The following RANBP2 variants were observed in gnomAD, a reference collection of about 807,000 sequenced individuals.
RANBP2 encodes RAN binding protein 2, also known as E3 SUMO-protein ligase RanBP2.
A neutral mutation model predicts 303.6 loss-of-function variants in RANBP2; 57 were observed. The observed-to-expected ratio is 0.19, with a 90% CI of 0.15 to 0.23. The LOEUF is 0.23. Ranked by LOEUF, RANBP2 falls within the 10% of genes least tolerant of loss-of-function variation. The probability of loss-of-function intolerance (pLI) is 1.00; values close to 1 mark genes in which losing one functional copy is unlikely to be tolerated. For missense variants in RANBP2, 3,138 were observed against 3,780.8 expected, an observed-to-expected ratio of 0.83 and a Z score of 4.46; for synonymous variants, 1,167 against 1,301.5, an observed-to-expected ratio of 0.90 and a Z score of 2.23.
chr2:109,567,601 A>G, the RANBP2 span, among the ~76,000 whole-genome samples: 8 of 152,244 alleles, frequency 5.3e-5, no homozygotes, highest in Admixed American at 5.2e-4. Context: ...GTGAAAGCAG[A>G]GTGAAAGAAA....
At chr2:108,818,148 A>G in the RANBP2 span, among the ~76,000 whole-genome samples, 3 of 152,266 alleles carry the variant, frequency 2.0e-5, no homozygotes, top group African/African-American at 7.2e-5. Context: ...TCTACAAAAA[A>G]TACAAAAGTT....
At chr2:109,217,086 A>G in the RANBP2 span, among the ~76,000 whole-genome samples, 1 of 152,210 alleles carries the variant, frequency 6.6e-6, no homozygotes, top group Non-Finnish European at 1.5e-5. Context: ...AGGCTCATTC[A>G]TGCTGCAGTG....
chr2:109,037,284 A>G, the RANBP2 span, among the ~76,000 whole-genome samples: 1 of 149,314 alleles, frequency 6.7e-6, no homozygotes, highest in East Asian at 2.0e-4. Flanking sequence ...TAATTGTGCC[A>G]CTGCACTCCA....
intron 18 of RANBP2, among the ~76,000 whole-genome samples, chr2:108,759,750 G>A (rs996916494): frequency 5.9e-5 from 9 of 152,134 alleles, no homozygotes; most frequent in Non-Finnish European, 1.3e-4. Context: ...CCTTGTAAGA[G>A]GATAAACAAA....
the RANBP2 span, among the ~76,000 whole-genome samples, chr2:109,735,704 T>C: frequency 6.6e-6 from 1 of 152,162 alleles, no homozygotes; most frequent in Non-Finnish European, 1.5e-5. Flanking sequence ...AATTACTTAC[T>C]ACATGAGAAA....
the RANBP2 span, among the ~76,000 whole-genome samples, chr2:108,870,390 T>C: frequency 6.6e-6 from 1 of 152,124 alleles, no homozygotes; most frequent in Non-Finnish European, 1.5e-5. Flanking sequence ...GACCAGTTGA[T>C]GCATTACTGG....
chr2:109,705,304 G>A, the RANBP2 span, among the ~76,000 whole-genome samples: 1 of 151,942 alleles, frequency 6.6e-6, no homozygotes, highest in Admixed American at 6.6e-5. Flanking sequence ...ACCCGGGAAG[G>A]CTGAGACAGT....
At chr2:108,986,430 T>C in the RANBP2 span, among the ~76,000 whole-genome samples, 1 of 152,172 alleles carries the variant, frequency 6.6e-6, no homozygotes, top group Non-Finnish European at 1.5e-5. Context: ...CCCTGGTGGC[T>C]GTCATTGCAC....
the RANBP2 span, chr2:109,129,589 G>T: frequency 1.3e-6 from 2 of 1,482,702 alleles, no homozygotes; most frequent in Non-Finnish European, 8.9e-7. Flanking sequence ...GGCCGCCGCT[G>T]CTGCGCAGAG....
the RANBP2 span, among the ~76,000 whole-genome samples, chr2:108,999,675 A>G: frequency 2.0e-5 from 3 of 152,320 alleles, no homozygotes; most frequent in East Asian, 3.9e-4. Context: ...CGGTTTCCAC[A>G]TTTCCTAAAT....
At chr2:109,001,390 C>T in the RANBP2 span, among the ~76,000 whole-genome samples, 1 of 152,346 alleles carries the variant, frequency 6.6e-6, no homozygotes, top group East Asian at 1.9e-4. Context: ...CACACAAGAA[C>T]AGGCAAGTCC....
At chr2:109,551,988 C>T in the RANBP2 span, among the ~76,000 whole-genome samples, 3 of 152,234 alleles carry the variant, frequency 2.0e-5, no homozygotes, top group Admixed American at 6.5e-5. Context: ...CTGTTAGGAA[C>T]TGGGCTACAC....
At chr2:109,695,172 A>ATT in the RANBP2 span, among the ~76,000 whole-genome samples, 1,836 of 151,386 alleles carry the variant, frequency 0.012, 43 homozygotes, top group African/African-American at 0.042. Context: ...TTTGCAAAGA[A>ATT]TTTTTTTTTC....
At chr2:109,105,722 T>C in the RANBP2 span, among the ~76,000 whole-genome samples, 1 of 151,106 alleles carries the variant, frequency 6.6e-6, no homozygotes, top group Non-Finnish European at 1.5e-5. Flanking sequence ...GCCCAGCTAA[T>C]TTTTTTGTAT....
chr2:109,269,096 A>G, the RANBP2 span, among the ~76,000 whole-genome samples: 1 of 152,186 alleles, frequency 6.6e-6, no homozygotes, highest in Non-Finnish European at 1.5e-5. Flanking sequence ...CACGAGGCAC[A>G]AGGGCCGCAC....
intron 7 of RANBP2, among the ~76,000 whole-genome samples, chr2:108,745,525 T>C (rs1303794967): frequency 4.6e-5 from 7 of 151,512 alleles, no homozygotes; most frequent in African/African-American, 1.7e-4. Flanking sequence ...CTTTTGATGA[T>C]TTCTTTTATA....
the RANBP2 span, among the ~76,000 whole-genome samples, chr2:109,652,694 A>G: frequency 6.6e-6 from 1 of 152,176 alleles, no homozygotes; most frequent in Non-Finnish European, 1.5e-5. Flanking sequence ...CTACCCATCC[A>G]GTGTCCCATG....
At chr2:109,374,286 T>G in the RANBP2 span, among the ~76,000 whole-genome samples, 4 of 152,250 alleles carry the variant, frequency 2.6e-5, no homozygotes, top group African/African-American at 9.6e-5. Context: ...GCCCATGCAG[T>G]ACTGGGCTCC....
chr2:109,215,562 G>A, the RANBP2 span, among the ~76,000 whole-genome samples: 150 of 152,256 alleles, frequency 9.9e-4, 1 homozygote, highest in Middle Eastern at 3.4e-3. Context: ...GAGAGCCCCT[G>A]TCTGATGTAG....
Sources: allele counts gnomAD v4.1 joint callset (sites outside exome capture counted in the v4.1 genomes callset), GRCh38; gene constraint gnomAD v4.1.1; transcripts MANE v1.5; gene names NCBI Gene and HGNC (gene_info 2026-07-23, HGNC 2026-07-21).